The following XXYLT1 variants were observed in gnomAD, a reference collection of about 807,000 sequenced individuals.
XXYLT1 encodes the protein UDP-xylose:alpha-xyloside alpha-1,3-xylosyltransferase.
Under a neutral mutation model 28.9 loss-of-function variants are expected in XXYLT1, and 20 were observed. The ratio of observed to expected loss-of-function variants is 0.69; its 90% CI spans 0.49 to 1.00. XXYLT1 has a LOEUF of 1.00. Ranked by LOEUF, XXYLT1 falls within the 50% of genes least tolerant of loss-of-function variation. The pLI is 0.00. For synonymous variants in XXYLT1, 257 were observed against 253.8 expected (o/e 1.01, Z -0.12); for missense variants, 542 against 560.1 (o/e 0.97, Z 0.33).
At position 195,270,831 on chromosome 3, in the gene XXYLT1, G is replaced by A. The variant is rs1560186076; in HGVS notation, c.228C>T (p.Gly76=). 6.8e-7 allele frequency: 1 copy of A among 1,466,764 alleles called. No homozygotes were observed. Among genetic ancestry groups the A allele is most frequent in the Non-Finnish European group, 9.0e-7 (1 of 1,110,464 alleles). The allele number at this position is 1,466,764 out of a possible 1,614,324, so 90.9% of individuals were successfully genotyped here. ...TCGCGCCGGGGGCTGGCGCCACGGA[G>A]CCCCGCGCTAGCTCCAGCGCGGGCG... is the stretch of plus-strand genomic sequence containing the variant. ...PSPPALELAR[G]SVAPAPGAKA... Residue 76 remains glycine, a synonymous_variant, in exon 1 of 4, where the codon GGC becomes GGT. Coordinates refer to ENST00000310380, the MANE Select transcript of XXYLT1 (RefSeq NM_152531.5).
chr3:195,120,055 A>G (rs1718267905), intron 3 of XXYLT1, among the ~76,000 whole-genome samples: 1 of 152,212 alleles, frequency 6.6e-6, no homozygotes, highest in South Asian at 2.1e-4. Flanking sequence ...ATTCCACTCA[A>G]AACTCACATG....
At chr3:195,143,801 GATAGATATATATAGAT>G (rs1719627808) in intron 3 of XXYLT1, among the ~76,000 whole-genome samples, 2 of 110,506 alleles carry the variant, frequency 1.8e-5, no homozygotes, top group South Asian at 3.3e-4. Context: ...TATATATATA[GATAGATATATATAGAT>G]ATAGATATAT....
Position 195,203,323 on chromosome 3 carries a change from G to A in XXYLT1, c.652+23386C>T, listed in dbSNP as rs532053415. 2.6e-5 allele frequency among the ~76,000 whole-genome samples: 4 copies of A among 152,270 alleles called. No individual in the cohort carries two copies. The South Asian group carries it at 6.2e-4, about 24-fold the overall frequency. ...TTCAGTGATTCTTACCATATGAAAG[G>A]AGATCCAATTTCACTCAAAAGAAAG... On this transcript the variant is annotated intron_variant, in intron 2 of 3. Transcript: ENST00000310380.
At chr3:195,082,680 CCAACT>C (rs1715501833) in intron 3 of XXYLT1, among the ~76,000 whole-genome samples, 1 of 152,082 alleles carries the variant, frequency 6.6e-6, no homozygotes, top group Non-Finnish European at 1.5e-5. Context: ...TGGCGAAACT[CCAACT>C]CAACTCCACA....
chr3:195,180,781 G>A lies in XXYLT1; in HGVS notation c.653-24200C>T, dbSNP rs559079839. 1.1e-4 allele frequency among the ~76,000 whole-genome samples: 16 copies of A among 152,200 alleles called. No homozygotes were observed. Among genetic ancestry groups the A allele is most frequent in the East Asian group, 9.6e-4 (5 of 5,198 alleles). On this transcript the variant is annotated intron_variant, in intron 2 of 3. Transcript: ENST00000310380. The surrounding 1 kb of genome is among the most constrained non-coding windows in gnomAD (Gnocchi z 5.8). ...GCTCGCCAGGAGCAAGGGCAGCGCC[G>A]GCCCTCCTCGGGAGAAGCTCCAAGG...
chr3:195,087,874 C>T (rs892834800), intron 3 of XXYLT1, among the ~76,000 whole-genome samples: 25 of 151,982 alleles, frequency 1.6e-4, no homozygotes, highest in Admixed American at 2.6e-4. Context: ...ACTTGGGAAG[C>T]GCAAGGGGTC....
chr3:195,167,488 G>A (rs1463781601), intron 2 of XXYLT1, among the ~76,000 whole-genome samples: 3 of 152,164 alleles, frequency 2.0e-5, no homozygotes, highest in African/African-American at 7.2e-5. Flanking sequence ...CTACTCGGGA[G>A]GCTGAGGCAG....
chr3:195,156,393 G>C (rs977763645), intron 3 of XXYLT1, 56 bp downstream of exon 3: 1 of 1,589,436 alleles, frequency 6.3e-7, no homozygotes, highest in South Asian at 1.1e-5. Context: ...GCAGAAGAGA[G>C]AGGGTGAAGG....
At chr3:195,116,118 C>T (rs1215485056) in intron 3 of XXYLT1, among the ~76,000 whole-genome samples, 2 of 152,044 alleles carry the variant, frequency 1.3e-5, no homozygotes, top group African/African-American at 2.4e-5. Flanking sequence ...GGCAGAGGGG[C>T]GCTGTGTTCT....
Position 195,076,217 on chromosome 3 carries a change from G to T in XXYLT1, c.786-6106C>A, listed in dbSNP as rs916300470. Among the ~76,000 whole-genome samples, 1 of 152,172 alleles carries T rather than the reference G, an allele frequency of 6.6e-6. No homozygotes were observed. ...CTGGAGGAAGGTCTGGGGGCTCGGGGAAGTGAGAAAAGAGGTGACATCTGC... is the reference window on the plus strand; with the variant it reads ...CTGGAGGAAGGTCTGGGGGCTCGGGTAAGTGAGAAAAGAGGTGACATCTGC... On this transcript the variant is annotated intron_variant, in intron 3 of 3. Transcript: ENST00000310380. This position sits in a 1 kb window ranked among gnomAD's most constrained non-coding sequence, Gnocchi z 5.3.
intron 2 of XXYLT1, among the ~76,000 whole-genome samples, chr3:195,160,034 A>G (rs2108688781): frequency 6.6e-6 from 1 of 152,276 alleles, no homozygotes; most frequent in Non-Finnish European, 1.5e-5. Context: ...CATGGGTGGA[A>G]TTACAACCCA....
chr3:195,138,007 T>C (rs951741648), intron 3 of XXYLT1, among the ~76,000 whole-genome samples: 1 of 152,206 alleles, frequency 6.6e-6, no homozygotes, highest in Non-Finnish European at 1.5e-5. Flanking sequence ...TGTCTCCCCA[T>C]TTCACAGATG....
intron 1 of XXYLT1, among the ~76,000 whole-genome samples, chr3:195,245,036 C>T (rs944169562): frequency 2.7e-5 from 4 of 146,960 alleles, no homozygotes; most frequent in African/African-American, 7.5e-5. Flanking sequence ...GGTGGTGGCA[C>T]GTGCCTGTAA....
intron 2 of XXYLT1, among the ~76,000 whole-genome samples, chr3:195,223,256 A>G (rs1220979016): frequency 6.6e-6 from 1 of 152,102 alleles, no homozygotes; most frequent in East Asian, 1.9e-4. Flanking sequence ...ACATTTTAAA[A>G]ATAGTTTAGG....
intron 2 of XXYLT1, among the ~76,000 whole-genome samples, chr3:195,166,085 TC>T (rs1193846582): frequency 6.6e-6 from 1 of 151,966 alleles, no homozygotes; most frequent in East Asian, 1.9e-4. Flanking sequence ...GAATCCAGGC[TC>T]CAATTTTCAT....
chr3:195,194,109 T>C (rs1476978450), intron 2 of XXYLT1, among the ~76,000 whole-genome samples: 2 of 151,892 alleles, frequency 1.3e-5, no homozygotes, highest in South Asian at 4.1e-4. Context: ...AATATTAAAA[T>C]GAAAATAAGC....
chr3:195,161,618 A>C (rs1720874369), intron 2 of XXYLT1, among the ~76,000 whole-genome samples: 1 of 149,126 alleles, frequency 6.7e-6, no homozygotes, highest in Non-Finnish European at 1.5e-5. Flanking sequence ...ACTCTATGAG[A>C]TATATAGATA....
intron 1 of XXYLT1, among the ~76,000 whole-genome samples, chr3:195,245,144 G>A (rs1724965950): frequency 6.6e-6 from 1 of 150,720 alleles, no homozygotes. Flanking sequence ...TCAGCCTTAT[G>A]TGTAGCCCAA....
intron 2 of XXYLT1, among the ~76,000 whole-genome samples, chr3:195,164,145 C>T (rs1318630860): frequency 6.6e-6 from 1 of 152,236 alleles, no homozygotes; most frequent in Non-Finnish European, 1.5e-5. Flanking sequence ...AGTACTCCCA[C>T]AGAAGGCAAG....
Sources: allele counts gnomAD v4.1 joint callset (sites outside exome capture counted in the v4.1 genomes callset), GRCh38; gene constraint gnomAD v4.1.1; non-coding constraint Gnocchi (gnomAD v3.1); transcripts MANE v1.5; gene names NCBI Gene and HGNC (gene_info 2026-07-23, HGNC 2026-07-21).